The following ETFDH variants were observed in gnomAD, a reference collection of about 807,000 sequenced individuals.
ETFDH encodes the protein electron transfer flavoprotein-ubiquinone oxidoreductase, mitochondrial.
Under a neutral mutation model 73.2 loss-of-function variants are expected in ETFDH, and 61 were observed. The observed-to-expected ratio is 0.83, with a 90% CI of 0.68 to 1.03. The LOEUF (loss-of-function observed/expected upper bound fraction) is 1.03. ETFDH is among the 50% of genes least tolerant of loss of function. ETFDH has a pLI of 0.00. For missense variants in ETFDH, 685 were observed against 745.0 expected, an observed-to-expected ratio of 0.92 and a Z score of 0.94; for synonymous variants, 243 against 253.3, an observed-to-expected ratio of 0.96 and a Z score of 0.39.
At chr4:158,697,762 A>C in intron 8 of ETFDH, 63 bp downstream of exon 8, 1 of 1,457,348 alleles carries the variant, frequency 6.9e-7, no homozygotes, top group Non-Finnish European at 9.6e-7. Context: ...CAGTGTTATA[A>C]AATAAGGGTT....
In ETFDH at chr4:158,694,696, C is replaced by G. The variant is rs569484001; in HGVS notation, c.685-801C>G. ...ACAGTTATATCTGTCACTAACTGTA[C>G]TATAGGGAAAGGGTCTTATATACTA... On this transcript the variant is annotated intron_variant, in intron 6 of 12. Transcript: ENST00000511912. 2.0e-5 allele frequency among the ~76,000 whole-genome samples: 3 copies of G among 152,112 alleles called. No individual in the cohort carries two copies. In the East Asian group the frequency reaches 5.8e-4, roughly 29 times the overall value.
At chr4:158,692,454 AGT>A (rs1464130920) in intron 6 of ETFDH, among the ~76,000 whole-genome samples, 1 of 147,482 alleles carries the variant, frequency 6.8e-6, no homozygotes, top group Non-Finnish European at 1.5e-5. Flanking sequence ...TGGGACTCCT[AGT>A]GGTTTAACTG....
chr4:158,682,805 G>T (rs1006720970), intron 3 of ETFDH, among the ~76,000 whole-genome samples: 1 of 152,004 alleles, frequency 6.6e-6, no homozygotes, highest in African/African-American at 2.4e-5. Flanking sequence ...AAAGCACTGG[G>T]ATTACAGGCA....
chr4:158,686,767 C>G (rs537101083), intron 5 of ETFDH, among the ~76,000 whole-genome samples: 3 of 152,270 alleles, frequency 2.0e-5, no homozygotes, highest in African/African-American at 7.2e-5. Context: ...GACCTTGTTT[C>G]TGAGGCCTTC....
chr4:158,690,408 A>T lies in ETFDH; in HGVS notation c.667A>T (p.Lys223Ter), dbSNP rs1198416165. 1 of 1,586,624 alleles carries T rather than the reference A, an allele frequency of 6.3e-7. No individual in the cohort carries two copies. The highest frequency in any genetic ancestry group is 1.7e-5 in the Admixed American group (1 of 59,986). The change falls in exon 6 of 13, where the codon AAG becomes TAG. Residue 223 changes from lysine (K) to a stop codon, truncating the protein, a stop_gained. Transcript: ENST00000511912. LOFTEE classifies it high-confidence loss of function. Reference protein sequence around the residue: ...GIATNDVGIQKDGAPKATFER... With the variant: ...GIATNDVGIQ Reference sequence around the variant, plus strand: ...TGCCACTAACGATGTAGGGATACAAAAGGATGGTGCACCAAAGGTAAACCT... The same window carrying T: ...TGCCACTAACGATGTAGGGATACAATAGGATGGTGCACCAAAGGTAAACCT...
Position 158,699,246 on chromosome 4 carries a change from A to G in ETFDH, c.1116+116A>G, listed in dbSNP as rs751628781. On this transcript the variant is annotated intron_variant, in intron 9 of 12. Coordinates refer to ENST00000511912, the MANE Select transcript of ETFDH (RefSeq NM_004453.4). ...CAATATTGGAATAGGAAAAGTATGT[A>G]GAGTTTATAAAACTGTGTCACACAA... is the stretch of plus-strand genomic sequence containing the variant. The G allele has an allele frequency of 5.5e-6, 5 of 901,826 alleles. No homozygotes were observed. The South Asian group carries it at 5.6e-5, about 10-fold the overall frequency. The allele number at this position is 901,826 out of a possible 1,614,324, so 55.9% of individuals were successfully genotyped here.
At chr4:158,699,198 C>G in intron 9 of ETFDH, 68 bp downstream of exon 9, 1 of 1,305,124 alleles carries the variant, frequency 7.7e-7, no homozygotes, top group Non-Finnish European at 1.1e-6. Flanking sequence ...TATAATGTAA[C>G]AAATTTAGAT....
chr4:158,701,495 C>T (rs1774461144), intron 9 of ETFDH, among the ~76,000 whole-genome samples: 1 of 152,194 alleles, frequency 6.6e-6, no homozygotes, highest in African/African-American at 2.4e-5. Context: ...GTGAAAGGAC[C>T]TGGGCCCTGA....
At chr4:158,705,893 C>A (rs1477774585) in intron 10 of ETFDH, among the ~76,000 whole-genome samples, 1 of 152,176 alleles carries the variant, frequency 6.6e-6, no homozygotes, top group Admixed American at 6.5e-5. Context: ...CCAGCCTGGG[C>A]AACATGGCAA....
In ETFDH at chr4:158,693,819, T is replaced by C. The variant is rs190610486; in HGVS notation, c.685-1678T>C. 2.6e-5 allele frequency among the ~76,000 whole-genome samples: 4 copies of C among 152,324 alleles called. No homozygotes were observed. In the East Asian group the frequency reaches 7.7e-4, roughly 29 times the overall value. ...AGTATACTATAAAGTCTGTAAATGT[T>C]TGACTGTCTGTAATATCAAGGTGCA... is the stretch of plus-strand genomic sequence containing the variant. On this transcript the variant is annotated intron_variant, in intron 6 of 12. Transcript: ENST00000511912.
chr4:158,675,188 CTA>C (rs1167749828), intron 1 of ETFDH, among the ~76,000 whole-genome samples: 1 of 152,066 alleles, frequency 6.6e-6, no homozygotes, highest in Non-Finnish European at 1.5e-5. Flanking sequence ...CAAAAAGAAA[CTA>C]TTCACTCCCA....
intron 9 of ETFDH, among the ~76,000 whole-genome samples, chr4:158,703,011 T>G (rs1774506516): frequency 6.6e-6 from 1 of 152,182 alleles, no homozygotes; most frequent in Non-Finnish European, 1.5e-5. Context: ...CCATTCTAAC[T>G]AGGGTGAAAT....
chr4:158,708,339 A>T (rs1281740492), intron 12 of ETFDH, 25 bp from the exon 13 acceptor site: 10 of 1,582,214 alleles, frequency 6.3e-6, no homozygotes, highest in Non-Finnish European at 8.7e-6. Context: ...TAGGCACTTC[A>T]ATATTATTTA....
chr4:158,680,232 A>C (rs1042368540), intron 1 of ETFDH: 6 of 430,828 alleles, frequency 1.4e-5, no homozygotes, highest in African/African-American at 1.2e-4. Flanking sequence ...TTTCATGACT[A>C]ATCCATAGTT....
chr4:158,696,865 C>G (rs1170593081), intron 7 of ETFDH, among the ~76,000 whole-genome samples: 1 of 152,102 alleles, frequency 6.6e-6, no homozygotes, highest in East Asian at 1.9e-4. Flanking sequence ...TGGCTGTCAC[C>G]CAGATGAAGA....
Position 158,684,573 on chromosome 4 carries a change from TTTC to T in ETFDH, c.406-13_406-11del, listed in dbSNP as rs1290950569. 1 of 1,375,432 alleles carries T rather than the reference TTTC, an allele frequency of 7.3e-7. No homozygotes were observed. Among genetic ancestry groups the T allele is most frequent in the African/African-American group, 1.4e-5 (1 of 70,200 alleles). The allele number at this position is 1,375,432 out of a possible 1,614,324, so 85.2% of individuals were successfully genotyped here. Reference sequence around the variant, plus strand: ...CAAATATAAACTAAAAACATTTCTTTTTCTTCTTTTATTTCTAGGCTCCACTTA... The same window carrying T: ...CAAATATAAACTAAAAACATTTCTTTTTCTTTTATTTCTAGGCTCCACTTA... On this transcript the variant is annotated splice_polypyrimidine_tract_variant and intron_variant, in intron 3 of 12. Transcript: ENST00000511912.
At chr4:158,706,587 A>G (rs1338476713) in intron 11 of ETFDH, 42 bp from the exon 12 acceptor site, 4 of 1,523,596 alleles carry the variant, frequency 2.6e-6, no homozygotes, top group Non-Finnish European at 3.6e-6. Context: ...AAAGTACTTC[A>G]AAATCATATT....
chr4:158,689,069 T>C (rs1774089162), intron 5 of ETFDH, among the ~76,000 whole-genome samples: 1 of 152,190 alleles, frequency 6.6e-6, no homozygotes, highest in African/African-American at 2.4e-5. Flanking sequence ...GAATGCAGTT[T>C]AAAAAGACTG....
At chr4:158,699,177 A>T in intron 9 of ETFDH, 47 bp downstream of exon 9, 1 of 1,464,520 alleles carries the variant, frequency 6.8e-7, no homozygotes, top group Non-Finnish European at 9.6e-7. Context: ...TTATAAATTC[A>T]GAATTGAACA....
Sources: gnomAD v4.1 joint callset for allele counts (sites outside exome capture counted in the v4.1 genomes callset) on GRCh38, gnomAD v4.1.1 for gene constraint, MANE v1.5 for transcripts, NCBI Gene and HGNC (gene_info 2026-07-23, HGNC 2026-07-21) for gene names.